Variants in EYS observed in about 807,000 individuals in gnomAD.
EYS encodes EGF-like photoreceptor maintenance factor, also known as protein eyes shut homolog.
Under a neutral mutation model 282.1 loss-of-function variants are expected in EYS, and 250 were observed. That is an observed-to-expected ratio of 0.89 (90% confidence interval 0.80 to 0.98). EYS has a LOEUF of 0.98. Ranked by LOEUF, EYS falls within the 50% of genes least tolerant of loss-of-function variation. The probability of loss-of-function intolerance (pLI) is 0.00; values close to 1 mark genes in which losing one functional copy is unlikely to be tolerated. For synonymous variants in EYS, 1,355 were observed against 1,282.9 expected (o/e 1.06, Z -1.20); for missense variants, 4,016 against 3,709.0 (o/e 1.08, Z -2.15).
chr6:64,687,263 C>A (rs1345414035), intron 22 of EYS, among the ~76,000 whole-genome samples: 2 of 151,844 alleles, frequency 1.3e-5, no homozygotes, highest in Non-Finnish European at 2.9e-5. Flanking sequence ...ACCAATATTT[C>A]TCATGAACAT....
intron 11 of EYS, among the ~76,000 whole-genome samples, chr6:65,308,110 C>G (rs565296506): frequency 0.04 from 2,395 of 60,322 alleles, 66 homozygotes; most frequent in South Asian, 0.07. Context: ...GCAGTTGGGA[C>G]AGACTACAGG....
At chr6:64,759,225 G>T (rs949533665) in intron 22 of EYS, among the ~76,000 whole-genome samples, 1 of 152,122 alleles carries the variant, frequency 6.6e-6, no homozygotes, top group Non-Finnish European at 1.5e-5. Context: ...AGGATTTGGG[G>T]CTAGGTGATA....
intron 41 of EYS, among the ~76,000 whole-genome samples, chr6:63,741,132 G>A (rs66804407): frequency 0.081 from 12,403 of 152,206 alleles, 566 homozygotes; most frequent in East Asian, 0.16. Flanking sequence ...TTTCAGAAGC[G>A]TTAGTGGTTA....
chr6:64,748,349 T>G (rs1772625937), intron 22 of EYS, among the ~76,000 whole-genome samples: 2 of 152,210 alleles, frequency 1.3e-5, no homozygotes, highest in African/African-American at 4.8e-5. Flanking sequence ...ATACAATTTT[T>G]CCACAGACAG....
At chr6:65,555,759 T>C (rs763797379) in intron 2 of EYS, among the ~76,000 whole-genome samples, 1 of 152,156 alleles carries the variant, frequency 6.6e-6, no homozygotes, top group Admixed American at 6.5e-5. Context: ...TCTGAGACAA[T>C]AATGAATAGT....
intron 8 of EYS, among the ~76,000 whole-genome samples, chr6:65,383,446 A>G (rs1238364218): frequency 2.0e-5 from 3 of 151,834 alleles, no homozygotes; most frequent in Non-Finnish European, 4.4e-5. Context: ...GCCATATTTA[A>G]CTTCTTAGTT....
intron 29 of EYS, among the ~76,000 whole-genome samples, chr6:64,314,194 C>CAAAAAAAAAAAAAAAAAA (rs138447983): frequency 7.2e-5 from 2 of 27,676 alleles, no homozygotes; most frequent in African/African-American, 1.5e-4. Context: ...AAATGGAAAG[C>CAAAAAAAAAAAAAAAAAA]AAAAAAAAAA....
intron 26 of EYS, among the ~76,000 whole-genome samples, chr6:64,507,163 T>A (rs1777237897): frequency 6.6e-6 from 1 of 151,916 alleles, no homozygotes; most frequent in African/African-American, 2.4e-5. Context: ...TCTAAAGGAT[T>A]TTTTAATAGT....
At chr6:65,666,381 C>A (rs561937622) in intron 1 of EYS, among the ~76,000 whole-genome samples, 1 of 151,872 alleles carries the variant, frequency 6.6e-6, no homozygotes, top group African/African-American at 2.4e-5. Flanking sequence ...ATCTCCATTT[C>A]TTATTTGCTT....
At chr6:64,334,536 A>C (rs1009691674) in intron 29 of EYS, among the ~76,000 whole-genome samples, 3 of 152,192 alleles carry the variant, frequency 2.0e-5, no homozygotes, top group Non-Finnish European at 4.4e-5. Flanking sequence ...GCTGGGCACA[A>C]GATGGGTCAT....
At chr6:64,091,830 C>T (rs1772373818) in intron 31 of EYS, among the ~76,000 whole-genome samples, 1 of 151,976 alleles carries the variant, frequency 6.6e-6, no homozygotes, top group Non-Finnish European at 1.5e-5. Flanking sequence ...ATACATGTGC[C>T]ATGTTGGTGT....
intron 35 of EYS, among the ~76,000 whole-genome samples, chr6:63,955,141 A>C (rs1015361755): frequency 2.0e-5 from 3 of 152,102 alleles, no homozygotes; most frequent in Non-Finnish European, 2.9e-5. Flanking sequence ...AGGCCAGCAC[A>C]GTCATTTCTT....
At chr6:65,031,310 T>C (rs1465862902) in intron 13 of EYS, among the ~76,000 whole-genome samples, 1 of 151,758 alleles carries the variant, frequency 6.6e-6, no homozygotes, top group African/African-American at 2.4e-5. Context: ...CTTAAAGTAT[T>C]AGAGAGGTCA....
chr6:65,393,139 AG>A (rs1766118818), intron 7 of EYS, among the ~76,000 whole-genome samples: 2 of 145,992 alleles, frequency 1.4e-5, no homozygotes, highest in Admixed American at 1.4e-4. Context: ...ACATGGACAC[AG>A]GAAGGGGAAC....
rs150981408 is a variant in EYS, at chr6:65,688,133, T to G, written c.-448+19002A>C. On this transcript the variant is annotated intron_variant, in intron 1 of 42. Coordinates refer to ENST00000503581, the MANE Select transcript of EYS (RefSeq NM_001142800.2). ...TGAGCCCACATTGCCAAATCAATCC[T>G]AAGCCAAAAGAACAAAGCTGGAGGC... is the stretch of plus-strand genomic sequence containing the variant. Among the ~76,000 whole-genome samples, 694 of 152,266 alleles carry G rather than the reference T, an allele frequency of 4.6e-3. 20 individuals are homozygous for G. The East Asian group carries it at 0.047, about 10-fold the overall frequency.
intron 22 of EYS, among the ~76,000 whole-genome samples, chr6:64,753,874 A>G (rs1772844727): frequency 6.6e-6 from 1 of 152,130 alleles, no homozygotes; most frequent in African/African-American, 2.4e-5. Flanking sequence ...AGTCTCAATG[A>G]ATTTGGAAAA....
intron 7 of EYS, among the ~76,000 whole-genome samples, chr6:65,392,731 A>T (rs1182394765): frequency 6.6e-6 from 1 of 151,838 alleles, no homozygotes; most frequent in East Asian, 1.9e-4. Flanking sequence ...GTGGGACTGT[A>T]AACTAGTTCA....
At chr6:65,163,428 T>C (rs1465217602) in intron 12 of EYS, among the ~76,000 whole-genome samples, 2 of 151,278 alleles carry the variant, frequency 1.3e-5, no homozygotes, top group African/African-American at 4.8e-5. Context: ...GTTTCTTACA[T>C]GAAATATGTT....
At chr6:63,784,102 T>C (rs558853587) in intron 39 of EYS, among the ~76,000 whole-genome samples, 1 of 152,330 alleles carries the variant, frequency 6.6e-6, no homozygotes, top group African/African-American at 2.4e-5. Flanking sequence ...TTGAGCCTGA[T>C]GGCTTTCAGA....
Sources: allele counts gnomAD v4.1 joint callset (sites outside exome capture counted in the v4.1 genomes callset), GRCh38; gene constraint gnomAD v4.1.1; transcripts MANE v1.5; gene names NCBI Gene and HGNC (gene_info 2026-07-23, HGNC 2026-07-21).